The following PTPRD variants were observed in gnomAD, a reference collection of about 807,000 sequenced individuals.
PTPRD encodes the protein protein tyrosine phosphatase receptor type D, also known as receptor-type tyrosine-protein phosphatase delta.
In PTPRD, 34 loss-of-function variants were observed where a neutral mutation model predicts 214.5. The ratio of observed to expected loss-of-function variants is 0.16; its 90% CI spans 0.12 to 0.21. PTPRD has a LOEUF of 0.21. PTPRD is among the 10% of genes least tolerant of loss of function. PTPRD has a pLI of 1.00. For synonymous variants in PTPRD, 1,128 were observed against 845.7 expected, an observed-to-expected ratio of 1.33 and a Z score of -5.79; for missense variants, 2,545 against 2,398.7, an observed-to-expected ratio of 1.06 and a Z score of -1.27.
intron 8 of PTPRD, among the ~76,000 whole-genome samples, chr9:9,405,501 C>T (rs546081764): frequency 1.5e-4 from 23 of 151,644 alleles, no homozygotes; most frequent in African/African-American, 4.8e-4. Context: ...TAGAAACACA[C>T]TTCATGGGAA....
At chr9:10,318,686 C>T (rs1048926619) in intron 3 of PTPRD, among the ~76,000 whole-genome samples, 2 of 152,174 alleles carry the variant, frequency 1.3e-5, no homozygotes, top group Non-Finnish European at 2.9e-5. Context: ...GATCTTGGCT[C>T]ACTGCATCCT....
intron 10 of PTPRD, among the ~76,000 whole-genome samples, chr9:9,141,086 C>T (rs2099859595): frequency 6.6e-6 from 1 of 151,854 alleles, no homozygotes; most frequent in South Asian, 2.1e-4. Flanking sequence ...GTCTCTGTCT[C>T]TCTGCTCCCC....
chr9:8,908,592 G>A (rs1175951890), intron 11 of PTPRD, among the ~76,000 whole-genome samples: 2 of 151,988 alleles, frequency 1.3e-5, no homozygotes, highest in East Asian at 3.9e-4. Flanking sequence ...GGCAGCTAAA[G>A]TAATGTTGGA....
At chr9:9,885,729 C>T (rs1321800056) in intron 5 of PTPRD, among the ~76,000 whole-genome samples, 1 of 151,962 alleles carries the variant, frequency 6.6e-6, no homozygotes, top group Non-Finnish European at 1.5e-5. Flanking sequence ...AATAGGTTAT[C>T]CCCCAGATCT....
chr9:9,848,553 C>A (rs1312576108), intron 5 of PTPRD, among the ~76,000 whole-genome samples: 1 of 151,954 alleles, frequency 6.6e-6, no homozygotes, highest in East Asian at 1.9e-4. Flanking sequence ...AGACCTTGTC[C>A]AATATGACAG....
intron 11 of PTPRD, among the ~76,000 whole-genome samples, chr9:8,931,340 T>C (rs148408733): frequency 0.013 from 2,049 of 152,200 alleles, 24 homozygotes; most frequent in Middle Eastern, 0.027. Context: ...TTGGTACCAG[T>C]ACCATGCTGT....
At chr9:9,335,333 T>C (rs2136904596) in intron 9 of PTPRD, among the ~76,000 whole-genome samples, 1 of 152,194 alleles carries the variant, frequency 6.6e-6, no homozygotes, top group Admixed American at 6.6e-5. Context: ...CTCTGAATGT[T>C]AATATGAGAA....
chr9:9,632,502 C>A (rs2095625059), intron 7 of PTPRD, among the ~76,000 whole-genome samples: 1 of 151,756 alleles, frequency 6.6e-6, no homozygotes, highest in South Asian at 2.1e-4. Flanking sequence ...ATTGTACAAT[C>A]TTGTAAATAT....
chr9:10,522,263 C>G (rs1804506032), intron 2 of PTPRD, among the ~76,000 whole-genome samples: 1 of 152,118 alleles, frequency 6.6e-6, no homozygotes, highest in Non-Finnish European at 1.5e-5. Flanking sequence ...GGGCCAATAT[C>G]TGCAAAAACT....
chr9:8,741,440 T>C (rs1262508319), intron 11 of PTPRD, among the ~76,000 whole-genome samples: 1 of 152,168 alleles, frequency 6.6e-6, no homozygotes, highest in Non-Finnish European at 1.5e-5. Flanking sequence ...TATTTGTTCC[T>C]TTCATCCAAA....
chr9:8,406,250 A>T (rs1009391720), intron 35 of PTPRD, among the ~76,000 whole-genome samples: 24 of 152,198 alleles, frequency 1.6e-4, no homozygotes, highest in Non-Finnish European at 2.9e-4. Context: ...GTATTGAAGC[A>T]TTCAGATGTC....
At chr9:8,797,748 G>A (rs1385538772) in intron 11 of PTPRD, among the ~76,000 whole-genome samples, 1 of 152,134 alleles carries the variant, frequency 6.6e-6, no homozygotes, top group Non-Finnish European at 1.5e-5. Context: ...TTGCATATTT[G>A]TCTTTGGCTC....
chr9:10,181,152 A>G (rs1258884140), intron 3 of PTPRD, among the ~76,000 whole-genome samples: 1 of 152,098 alleles, frequency 6.6e-6, no homozygotes, highest in Non-Finnish European at 1.5e-5. Flanking sequence ...TGATTTTTAT[A>G]TAGACAATTC....
chr9:10,606,050 T>C (rs2079237617), intron 2 of PTPRD, among the ~76,000 whole-genome samples: 1 of 151,848 alleles, frequency 6.6e-6, no homozygotes. Context: ...TGAATTATTG[T>C]CCTATCCTTG....
At chr9:10,561,881 T>G (rs566349769) in intron 2 of PTPRD, among the ~76,000 whole-genome samples, 1 of 152,252 alleles carries the variant, frequency 6.6e-6, no homozygotes, top group African/African-American at 2.4e-5. Flanking sequence ...TATAGGATAA[T>G]AAAATCCTCT....
intron 10 of PTPRD, among the ~76,000 whole-genome samples, chr9:9,132,068 C>A (rs1404513303): frequency 6.6e-6 from 1 of 152,220 alleles, no homozygotes; most frequent in African/African-American, 2.4e-5. Flanking sequence ...AGTGCAGTGG[C>A]ACGATCTAGG....
chr9:8,393,050 T>C (rs1161008668), intron 36 of PTPRD, among the ~76,000 whole-genome samples: 3 of 152,114 alleles, frequency 2.0e-5, no homozygotes, highest in African/African-American at 7.2e-5. Flanking sequence ...TTTCCAAATG[T>C]TTTGGTGCCA....
rs1041789739 is a variant in PTPRD at position 8,914,372 on chromosome 9, C to T, written c.-104+104325G>A. On this transcript the variant is annotated intron_variant, in intron 11 of 45. Coordinates refer to ENST00000381196, the MANE Select transcript of PTPRD (RefSeq NM_002839.4). Reference sequence around the variant, plus strand: ...ACACTTTGCCATTTGTTCTGTTTTGCCATTTGAACTTTTAAACAGAAATAA... The same window carrying T: ...ACACTTTGCCATTTGTTCTGTTTTGTCATTTGAACTTTTAAACAGAAATAA... Among the ~76,000 whole-genome samples, 4 of 152,080 alleles carry T rather than the reference C, an allele frequency of 2.6e-5. No homozygotes were observed. In the East Asian group the frequency reaches 7.7e-4, roughly 29 times the overall value.
intron 9 of PTPRD, among the ~76,000 whole-genome samples, chr9:9,304,454 T>C (rs562977336): frequency 6.6e-6 from 1 of 152,140 alleles, no homozygotes; most frequent in Admixed American, 6.6e-5. Flanking sequence ...GCTTTTCCTA[T>C]TTTAGACTTT....
Sources: allele counts gnomAD v4.1 joint callset (sites outside exome capture counted in the v4.1 genomes callset), GRCh38; gene constraint gnomAD v4.1.1; transcripts MANE v1.5; gene names NCBI Gene and HGNC (gene_info 2026-07-23, HGNC 2026-07-21).